NHSL1: variants seen among roughly 807,000 people sequenced by gnomAD.
NHSL1 encodes NHS-like protein 1.
In NHSL1, 48 loss-of-function variants were observed where a neutral mutation model predicts 95.0. The ratio of observed to expected loss-of-function variants is 0.51; its 90% CI spans 0.40 to 0.64. NHSL1 has a LOEUF of 0.64. NHSL1 is among the 30% of genes least tolerant of loss of function. The probability of loss-of-function intolerance (pLI) is 0.00; values close to 1 mark genes in which losing one functional copy is unlikely to be tolerated. For synonymous variants in NHSL1, 783 were observed against 833.9 expected (o/e 0.94, Z 1.05); for missense variants, 1,971 against 2,077.7 (o/e 0.95, Z 1.00).
intron 2 of NHSL1, among the ~76,000 whole-genome samples, chr6:138,476,225 C>A (rs1437119751): frequency 9.9e-5 from 15 of 152,112 alleles, no homozygotes; most frequent in Non-Finnish European, 1.0e-4. Flanking sequence ...TTCACAACAG[C>A]AGAGCTATGG....
chr6:138,620,479 G>T (rs2114626201), intron 1 of NHSL1, among the ~76,000 whole-genome samples: 1 of 152,218 alleles, frequency 6.6e-6, no homozygotes, highest in East Asian at 1.9e-4. Context: ...TTACTACAAT[G>T]ATGAAATATG....
intron 1 of NHSL1, among the ~76,000 whole-genome samples, chr6:138,669,690 A>T (rs138004891): frequency 3.9e-5 from 6 of 152,332 alleles, no homozygotes; most frequent in African/African-American, 1.4e-4. Flanking sequence ...GTAAGTAAAA[A>T]GATGCATTCT....
intron 4 of NHSL1, among the ~76,000 whole-genome samples, chr6:138,443,911 C>A (rs534229444): frequency 6.6e-6 from 1 of 152,256 alleles, no homozygotes; most frequent in African/African-American, 2.4e-5. Context: ...CACCCAAGCT[C>A]CCAGAAAATT....
chr6:138,569,778 G>A (rs891348680), intron 1 of NHSL1, among the ~76,000 whole-genome samples: 1 of 151,988 alleles, frequency 6.6e-6, no homozygotes, highest in African/African-American at 2.4e-5. Flanking sequence ...AGTCAAATGC[G>A]AAAACAGAAT....
At chr6:138,655,100 T>C (rs1345905482) in intron 1 of NHSL1, among the ~76,000 whole-genome samples, 2 of 152,212 alleles carry the variant, frequency 1.3e-5, no homozygotes, top group Non-Finnish European at 2.9e-5. Context: ...GGCAGAGCTC[T>C]AAAACAAGGA....
chr6:138,460,891 C>T (rs957027908), intron 3 of NHSL1, among the ~76,000 whole-genome samples: 2 of 151,834 alleles, frequency 1.3e-5, no homozygotes, highest in South Asian at 2.1e-4. Flanking sequence ...ACGACCCATC[C>T]AACACCTACC....
intron 1 of NHSL1, among the ~76,000 whole-genome samples, chr6:138,592,656 T>G (rs1784248282): frequency 6.6e-6 from 1 of 151,924 alleles, no homozygotes. Flanking sequence ...AACCCCTACA[T>G]ATCCAGAACT....
intron 2 of NHSL1, among the ~76,000 whole-genome samples, chr6:138,480,125 C>T (rs576031230): frequency 7.6e-4 from 115 of 152,280 alleles, no homozygotes; most frequent in African/African-American, 2.7e-3. Flanking sequence ...AAAGAACTGA[C>T]GGAAGCAGCA....
At chr6:138,502,471 A>T (rs1280041293), upstream of NHSL1, among the ~76,000 whole-genome samples, 1 of 151,676 alleles carries the variant, frequency 6.6e-6, no homozygotes, top group African/African-American at 2.4e-5. Context: ...CATATATGAC[A>T]GTGGCGGAAA....
chr6:138,581,431 C>A (rs1350519033), intron 1 of NHSL1, among the ~76,000 whole-genome samples: 1 of 152,074 alleles, frequency 6.6e-6, no homozygotes, highest in Non-Finnish European at 1.5e-5. Context: ...GTGGCTCACA[C>A]CTGTAATCCC....
chr6:138,479,285 T>C (rs1300013796), intron 2 of NHSL1, among the ~76,000 whole-genome samples: 2 of 152,266 alleles, frequency 1.3e-5, no homozygotes, highest in East Asian at 3.8e-4. Flanking sequence ...TTTCTTTTGC[T>C]GTCCTTTTTA....
At chr6:138,619,301 G>A (rs948642949) in intron 1 of NHSL1, among the ~76,000 whole-genome samples, 1 of 152,180 alleles carries the variant, frequency 6.6e-6, no homozygotes, top group African/African-American at 2.4e-5. Context: ...TCACGCCACT[G>A]CACTCCAGCC....
At chr6:138,449,754 C>T (rs1398120357) in intron 3 of NHSL1, among the ~76,000 whole-genome samples, 1 of 151,680 alleles carries the variant, frequency 6.6e-6, no homozygotes, top group Non-Finnish European at 1.5e-5. Context: ...CATGAATTGA[C>T]ATGTACTCAC....
At chr6:138,601,880 A>G (rs1432344226) in intron 1 of NHSL1, among the ~76,000 whole-genome samples, 1 of 152,224 alleles carries the variant, frequency 6.6e-6, no homozygotes, top group East Asian at 1.9e-4. Flanking sequence ...TTATTTAATA[A>G]CAAAAACAAA....
chr6:138,466,047 G>C (rs1029475420), intron 3 of NHSL1, among the ~76,000 whole-genome samples: 8 of 146,522 alleles, frequency 5.5e-5, no homozygotes, highest in Non-Finnish European at 9.0e-5. Context: ...TTTTTGGGGG[G>C]GGGGCAGGGG....
chr6:138,691,793 T>C (rs1197339674), intron 1 of NHSL1: 2 of 419,878 alleles, frequency 4.8e-6, no homozygotes, highest in South Asian at 1.7e-5. Flanking sequence ...TAGACTTGAC[T>C]TTCAGGGTTG....
intron 1 of NHSL1, among the ~76,000 whole-genome samples, chr6:138,657,825 A>G (rs1785176812): frequency 6.7e-6 from 1 of 149,240 alleles, no homozygotes; most frequent in South Asian, 2.1e-4. Flanking sequence ...AAAAAAAAAA[A>G]AAAAAAAAAA....
intron 1 of NHSL1, among the ~76,000 whole-genome samples, chr6:138,497,364 G>A (rs1026512902): frequency 1.3e-5 from 2 of 152,176 alleles, no homozygotes; most frequent in Admixed American, 1.3e-4. Context: ...ATTTGCTTGA[G>A]GTAGCAAGTC....
chr6:138,556,016 G>A (rs1198856003), intron 1 of NHSL1, among the ~76,000 whole-genome samples: 1 of 151,934 alleles, frequency 6.6e-6, no homozygotes, highest in African/African-American at 2.4e-5. Context: ...TGACACGTTA[G>A]TTAGCCTTGT....
Sources: allele counts gnomAD v4.1 joint callset (sites outside exome capture counted in the v4.1 genomes callset), GRCh38; gene constraint gnomAD v4.1.1; transcripts MANE v1.5; gene names NCBI Gene and HGNC (gene_info 2026-07-23, HGNC 2026-07-21).